Variants in ATP6V1A observed in about 807,000 individuals in gnomAD.
ATP6V1A encodes V-type proton ATPase catalytic subunit A.
Under a neutral mutation model 70.1 loss-of-function variants are expected in ATP6V1A, and 18 were observed. The ratio of observed to expected loss-of-function variants is 0.26; its 90% confidence interval spans 0.18 to 0.38. The LOEUF is 0.38. Ranked by LOEUF, ATP6V1A falls within the 10% of genes least tolerant of loss-of-function variation. The pLI, the probability that ATP6V1A is intolerant of heterozygous loss-of-function variation, is 1.00. For synonymous variants in ATP6V1A, 232 were observed against 253.8 expected, an observed-to-expected ratio of 0.91 and a Z score of 0.82; for missense variants, 424 against 772.4, an observed-to-expected ratio of 0.55 and a Z score of 5.35.
chr3:113,804,741 GTAT>G (rs1709255965), intron 13 of ATP6V1A, among the ~76,000 whole-genome samples: 1 of 152,196 alleles, frequency 6.6e-6, no homozygotes, highest in African/African-American at 2.4e-5. Context: ...TGTAATAGGA[GTAT>G]CCGTGAAATT....
intron 2 of ATP6V1A, among the ~76,000 whole-genome samples, chr3:113,780,319 G>A (rs984646926): frequency 7.9e-5 from 12 of 152,076 alleles, no homozygotes; most frequent in African/African-American, 1.9e-4. Context: ...ATTCTTACAC[G>A]TGTCTAAAAA....
intron 8 of ATP6V1A, among the ~76,000 whole-genome samples, chr3:113,792,709 A>C (rs1211517849): frequency 6.6e-6 from 1 of 152,210 alleles, no homozygotes; most frequent in Non-Finnish European, 1.5e-5. Flanking sequence ...ATTATTTTAC[A>C]TTCTGATAGC....
At chr3:113,764,198 A>G (rs1708740298) in intron 1 of ATP6V1A, among the ~76,000 whole-genome samples, 1 of 151,958 alleles carries the variant, frequency 6.6e-6, no homozygotes, top group South Asian at 2.1e-4. Context: ...GCACCACTGT[A>G]CTCCAGCCTG....
At chr3:113,774,053 A>T (rs1482139376) in intron 1 of ATP6V1A, among the ~76,000 whole-genome samples, 1 of 134,688 alleles carries the variant, frequency 7.4e-6, no homozygotes, top group South Asian at 2.2e-4. Context: ...AATGCACCTG[A>T]TAACTAGGAA....
chr3:113,751,972 G>A (rs1708591582), intron 1 of ATP6V1A, among the ~76,000 whole-genome samples: 1 of 151,626 alleles, frequency 6.6e-6, no homozygotes, highest in Non-Finnish European at 1.5e-5. Context: ...AATTTTAGAA[G>A]GAAACACTTT....
intron 3 of ATP6V1A, among the ~76,000 whole-genome samples, chr3:113,783,295 C>T (rs1003762203): frequency 6.6e-6 from 1 of 152,140 alleles, no homozygotes; most frequent in Non-Finnish European, 1.5e-5. Flanking sequence ...TCCTAGGTCA[C>T]GACTTACCCA....
chr3:113,776,085 G>A (rs1016578587), intron 1 of ATP6V1A, among the ~76,000 whole-genome samples: 10 of 152,082 alleles, frequency 6.6e-5, no homozygotes, highest in Non-Finnish European at 1.0e-4. Context: ...TCTGCCAGGC[G>A]CGGTGGCTCA....
intron 6 of ATP6V1A, 56 bp from the exon 7 acceptor site, chr3:113,788,653 CTTTA>C: frequency 6.4e-7 from 1 of 1,550,744 alleles, no homozygotes; most frequent in Non-Finnish European, 8.8e-7. Flanking sequence ...CCGGCCCCTA[CTTTA>C]TTTATTAATA....
intron 1 of ATP6V1A, among the ~76,000 whole-genome samples, chr3:113,769,327 A>T (rs1708807060): frequency 6.6e-6 from 1 of 152,220 alleles, no homozygotes; most frequent in South Asian, 2.1e-4. Flanking sequence ...AAAATAAGTA[A>T]TTGGTTATAA....
chr3:113,757,172 C>G (rs374821437), intron 1 of ATP6V1A, among the ~76,000 whole-genome samples: 1 of 152,130 alleles, frequency 6.6e-6, no homozygotes, highest in Admixed American at 6.5e-5. Flanking sequence ...ACGTAGTATA[C>G]CTGCAGTGCC....
chr3:113,786,207 C>A, intron 5 of ATP6V1A, 25 bp from the exon 6 acceptor site: 1 of 1,580,200 alleles, frequency 6.3e-7, no homozygotes, highest in Non-Finnish European at 8.6e-7. Context: ...TTTGACCATA[C>A]TAAAATCCTA....
intron 1 of ATP6V1A, among the ~76,000 whole-genome samples, chr3:113,747,842 T>G (rs559252567): frequency 3.7e-4 from 57 of 152,228 alleles, no homozygotes; most frequent in African/African-American, 1.0e-3. Flanking sequence ...TATTGTGGTG[T>G]TGTGGTGTGC....
chr3:113,764,187 C>T (rs1426511073), intron 1 of ATP6V1A, among the ~76,000 whole-genome samples: 2 of 151,858 alleles, frequency 1.3e-5, no homozygotes, highest in Admixed American at 6.6e-5. Flanking sequence ...GAGCCTTGAT[C>T]GCACCACTGT....
Position 113,805,535 on chromosome 3 carries a change from G to T in ATP6V1A, c.1761+10G>T. The T allele has an allele frequency of 6.3e-7, 1 of 1,587,430 alleles. No individual in the cohort carries two copies. Among genetic ancestry groups the T allele is most frequent in the South Asian group, 1.2e-5 (1 of 85,830 alleles). On this transcript the variant is annotated intron_variant, in intron 14 of 14. Coordinates refer to ENST00000273398, the MANE Select transcript of ATP6V1A (RefSeq NM_001690.4). ...CTCCATGAAATTCAAGGTATATTTT[G>T]TTTCTGCTGTAACTTTTTTTATTTG...
chr3:113,793,635 G>T (rs1577093143), intron 8 of ATP6V1A, among the ~76,000 whole-genome samples: 2 of 152,308 alleles, frequency 1.3e-5, no homozygotes, highest in Admixed American at 6.5e-5. Context: ...ATTGGAATAT[G>T]TGGTAATTAT....
intron 1 of ATP6V1A, among the ~76,000 whole-genome samples, chr3:113,775,013 G>A (rs62268169): frequency 0.34 from 52,050 of 151,794 alleles, 9,010 homozygotes; most frequent in East Asian, 0.36. Flanking sequence ...GACAATGGAA[G>A]GCACTAAAGA....
chr3:113,792,124 G>C (rs2108036032), intron 8 of ATP6V1A, among the ~76,000 whole-genome samples: 1 of 152,262 alleles, frequency 6.6e-6, no homozygotes, highest in South Asian at 2.1e-4. Flanking sequence ...AAGAGACAGT[G>C]ACATATTCAT....
intron 1 of ATP6V1A, among the ~76,000 whole-genome samples, chr3:113,754,262 G>A (rs886513536): frequency 2.0e-4 from 31 of 152,162 alleles, no homozygotes; most frequent in Non-Finnish European, 5.9e-5. Context: ...GGTGGCTCAC[G>A]CCTGTAATCC....
intron 13 of ATP6V1A, 75 bp downstream of exon 13, chr3:113,803,752 C>G (rs901241644): frequency 1.7e-6 from 2 of 1,178,604 alleles, no homozygotes; most frequent in African/African-American, 3.1e-5. Flanking sequence ...ACATTAAAAA[C>G]CCTTTTTTAT....
Sources: gnomAD v4.1 joint callset for allele counts (sites outside exome capture counted in the v4.1 genomes callset) on GRCh38, gnomAD v4.1.1 for gene constraint, MANE v1.5 for transcripts, NCBI Gene and HGNC (gene_info 2026-07-23, HGNC 2026-07-21) for gene names.